Variants in KIAA0825 observed in about 807,000 individuals in gnomAD.
KIAA0825 encodes the protein KIAA0825.
A neutral mutation model predicts 147.6 loss-of-function variants in KIAA0825; 119 were observed. The observed-to-expected ratio is 0.81, with a 90% CI of 0.69 to 0.94. KIAA0825 has a LOEUF of 0.94. KIAA0825 is among the 40% of genes least tolerant of loss of function. The pLI is 0.00. For missense variants in KIAA0825, 1,381 were observed against 1,472.7 expected (o/e 0.94, Z 1.02); for synonymous variants, 470 against 518.1 (o/e 0.91, Z 1.26).
At chr5:94,417,149 AC>A in intron 15 of KIAA0825, 51 bp downstream of exon 15, 2 of 1,469,286 alleles carry the variant, frequency 1.4e-6, no homozygotes. Context: ...CTTTAAAGGT[AC>A]ATATAAGTAT....
intron 10 of KIAA0825, among the ~76,000 whole-genome samples, chr5:94,467,365 AT>A (rs1411071688): frequency 1.3e-5 from 2 of 152,220 alleles, no homozygotes; most frequent in African/African-American, 4.8e-5. Context: ...ATGTAAACAG[AT>A]GTGAGCTTTT....
chr5:94,617,025 G>T (rs904812186), intron 1 of KIAA0825, among the ~76,000 whole-genome samples: 7 of 152,106 alleles, frequency 4.6e-5, no homozygotes, highest in Non-Finnish European at 1.0e-4. Flanking sequence ...CAACCTCTTT[G>T]GGTCTCAGTA....
In KIAA0825 at chr5:94,328,342, C is replaced by T. The variant is rs572711072; in HGVS notation, c.3710+56026G>A. ...GGTGTCTTCCATTAGTTACATACTG[C>T]TCTTATGGTGGCAATAAATTCCTTT... On this transcript the variant is annotated intron_variant, in intron 20 of 20. Coordinates refer to ENST00000682413, the MANE Select transcript of KIAA0825 (RefSeq NM_001145678.3). Among the ~76,000 whole-genome samples, 4 of 152,114 alleles carry T rather than the reference C, an allele frequency of 2.6e-5. No homozygotes were observed. In the East Asian group the frequency reaches 7.7e-4, roughly 29 times the overall value.
intron 18 of KIAA0825, among the ~76,000 whole-genome samples, chr5:94,387,393 C>T (rs1353456290): frequency 1.3e-5 from 2 of 152,050 alleles, no homozygotes; most frequent in Non-Finnish European, 2.9e-5. Flanking sequence ...TCAGAACCTG[C>T]CTGTTAATGA....
Position 94,524,071 on chromosome 5 carries a change from C to T in KIAA0825, c.159G>A (p.Gln53=), listed in dbSNP as rs1768782747. The T allele has an allele frequency of 6.2e-7, 1 of 1,608,542 alleles. No individual in the cohort carries two copies. Among genetic ancestry groups the T allele is most frequent in the South Asian group, 1.1e-5 (1 of 90,498 alleles). Residue 53 remains glutamine, a synonymous_variant, in exon 4 of 21, where the codon CAG becomes CAA. Coordinates refer to ENST00000682413, the MANE Select transcript of KIAA0825 (RefSeq NM_001145678.3). ...CTGGACATTGTTTGTTAATTTCGGA[C>T]TGTATCTCTTTAATGCAATGTTTTA... The part of the protein sequence containing the change: ...ASIKHCIKEI[Q]SEINKQCPGV...
At chr5:94,419,933 A>G (rs902403512) in intron 14 of KIAA0825, among the ~76,000 whole-genome samples, 11 of 152,144 alleles carry the variant, frequency 7.2e-5, no homozygotes, top group African/African-American at 2.2e-4. Flanking sequence ...TCTAAGTGAT[A>G]TAAGTATGAG....
At chr5:94,269,501 A>C (rs1776884950) in intron 20 of KIAA0825, among the ~76,000 whole-genome samples, 1 of 152,128 alleles carries the variant, frequency 6.6e-6, no homozygotes. Context: ...TTTTTTTTAA[A>C]AATCCATCTA....
intron 1 of KIAA0825, chr5:94,594,362 T>A: frequency 2.7e-6 from 2 of 748,174 alleles, no homozygotes; most frequent in East Asian, 3.1e-5. Flanking sequence ...AACAGCAGAT[T>A]TATAAAATGT....
In KIAA0825 at chr5:94,524,052, A is replaced by G. The variant is rs1227670867; in HGVS notation, c.178T>C (p.Cys60Arg). The change falls in exon 4 of 21, where the codon TGT becomes CGT. Residue 60 changes from cysteine to arginine, a missense_variant. Cys to Arg is a radical substitution (Grantham distance 180, BLOSUM62 -3). Transcript: ENST00000682413. Reference sequence around the variant, plus strand: ...GTTGTTTGCAGCTGCACACCTGGACATTGTTTGTTAATTTCGGACTGTATC... The same window carrying G: ...GTTGTTTGCAGCTGCACACCTGGACGTTGTTTGTTAATTTCGGACTGTATC... Reference protein sequence around the residue: ...KEIQSEINKQCPGVQLQTTTD... With the variant: ...KEIQSEINKQRPGVQLQTTTD... 1.2e-6 allele frequency: 2 copies of G among 1,609,346 alleles called. No homozygotes were observed. Among genetic ancestry groups the G allele is most frequent in the Non-Finnish European group, 1.7e-6 (2 of 1,177,096 alleles).
At position 94,471,678 on chromosome 5, in the gene KIAA0825, T is replaced by C; in HGVS notation, c.1509A>G (p.Ala503=). The change falls in exon 9 of 21, where the codon GCA becomes GCG. Residue 503 remains alanine (A), a synonymous_variant. Coordinates refer to ENST00000682413, the MANE Select transcript of KIAA0825 (RefSeq NM_001145678.3). The part of the protein sequence containing the change: ...KLDTMLPLAL[A]CRDDSFQEIR... ...TTTCCTGAAAAGAATCATCTCTGCA[T>C]GCCAGAGCCAGTGGAAGCATTGTGT... The C allele has an allele frequency of 2.6e-6, 4 of 1,552,336 alleles. No individual in the cohort carries two copies. The highest frequency in any genetic ancestry group is 2.6e-6 in the Non-Finnish European group (3 of 1,147,110).
chr5:94,471,735 G>C lies in KIAA0825; in HGVS notation c.1456-4C>G, dbSNP rs1331274416. On this transcript the variant is annotated splice_polypyrimidine_tract_variant and splice_region_variant and intron_variant, in intron 8 of 20. Coordinates refer to ENST00000682413, the MANE Select transcript of KIAA0825 (RefSeq NM_001145678.3). ...TTTCCATGATGTCAGAACAAAACTA[G>C]GGAGAAATAAATGTGGCACTGAGTT... The C allele has an allele frequency of 4.8e-5, 75 of 1,551,856 alleles. No homozygotes were observed. Among genetic ancestry groups the C allele is most frequent in the Non-Finnish European group, 6.5e-5 (75 of 1,146,960 alleles).
intron 20 of KIAA0825, among the ~76,000 whole-genome samples, chr5:94,333,339 C>T (rs191409173): frequency 1.6e-3 from 247 of 152,230 alleles, no homozygotes; most frequent in South Asian, 1.2e-3. Context: ...AGGTTTTCTT[C>T]TAGGGTTTTT....
chr5:94,392,211 C>G (rs1018757809), intron 17 of KIAA0825, among the ~76,000 whole-genome samples: 1 of 152,098 alleles, frequency 6.6e-6, no homozygotes, highest in South Asian at 2.1e-4. Flanking sequence ...TGCTTCATGG[C>G]GGTATGCTTA....
In KIAA0825 at chr5:94,417,358, A is replaced by C; in HGVS notation, c.2505T>G (p.Val835=). The C allele has an allele frequency of 6.5e-7, 1 of 1,543,162 alleles. No homozygotes were observed. The highest frequency in any genetic ancestry group is 8.8e-7 in the Non-Finnish European group (1 of 1,140,204). Reference sequence around the variant, plus strand: ...GGTTCAGGTTATTTTCTGTGTCGGAAACTTGTTCTTGAAAGGTACGTTCTT... The same window carrying C: ...GGTTCAGGTTATTTTCTGTGTCGGACACTTGTTCTTGAAAGGTACGTTCTT... The part of the protein sequence containing the change: ...LRILLKSSKQ[V]SDTENNLNQG... The change falls in exon 15 of 21, where the codon GTT becomes GTG. Residue 835 remains valine (V), a synonymous_variant. Transcript: ENST00000682413.
intron 20 of KIAA0825, among the ~76,000 whole-genome samples, chr5:94,217,842 T>G (rs892263330): frequency 6.6e-6 from 1 of 152,138 alleles, no homozygotes; most frequent in Non-Finnish European, 1.5e-5. Flanking sequence ...GATTCACTTA[T>G]AAGGCAATAC....
intron 20 of KIAA0825, among the ~76,000 whole-genome samples, chr5:94,252,686 T>G (rs1195747656): frequency 6.6e-6 from 1 of 151,962 alleles, no homozygotes; most frequent in Non-Finnish European, 1.5e-5. Flanking sequence ...TAGGAACCAT[T>G]TACAGGGAAC....
chr5:94,456,218 C>T (rs983389891), intron 12 of KIAA0825, among the ~76,000 whole-genome samples: 1 of 152,156 alleles, frequency 6.6e-6, no homozygotes, highest in African/African-American at 2.4e-5. Flanking sequence ...CTTCTTTGAT[C>T]TCTTTGCATA....
intron 20 of KIAA0825, among the ~76,000 whole-genome samples, chr5:94,296,601 G>A (rs992548607): frequency 6.6e-6 from 1 of 152,126 alleles, no homozygotes; most frequent in Non-Finnish European, 1.5e-5. Context: ...TATCTGGGCC[G>A]GAGTGCACCG....
At chr5:94,360,163 A>T (rs563458750) in intron 20 of KIAA0825, among the ~76,000 whole-genome samples, 1 of 152,310 alleles carries the variant, frequency 6.6e-6, no homozygotes, top group Admixed American at 6.5e-5. Context: ...TCCTAAAGGT[A>T]GGCATAGCCC....
Sources: gnomAD v4.1 joint callset for allele counts (sites outside exome capture counted in the v4.1 genomes callset) on GRCh38, gnomAD v4.1.1 for gene constraint, MANE v1.5 for transcripts, NCBI Gene and HGNC (gene_info 2026-07-23, HGNC 2026-07-21) for gene names.